MGAT5: variants seen among roughly 807,000 people sequenced by gnomAD.
MGAT5 encodes the protein alpha-1,6-mannosylglycoprotein 6-beta-N-acetylglucosaminyltransferase.
A neutral mutation model predicts 94.3 loss-of-function variants in MGAT5; 30 were observed. The observed-to-expected ratio is 0.32, with a 90% CI of 0.24 to 0.43. The LOEUF (loss-of-function observed/expected upper bound fraction) is 0.43, where lower values mean the gene tolerates loss of function less well. MGAT5 is among the 20% of genes least tolerant of loss of function. MGAT5 has a pLI of 1.00. For synonymous variants in MGAT5, 310 were observed against 322.9 expected (o/e 0.96, Z 0.43); for missense variants, 691 against 905.5 (o/e 0.76, Z 3.04).
chr2:134,254,742 C>T, intron 1 of MGAT5, 98 bp downstream of exon 1: 2 of 1,483,402 alleles, frequency 1.3e-6, no homozygotes, highest in Non-Finnish European at 1.8e-6. Flanking sequence ...ACTGAATGTC[C>T]TTTGCCACTG....
rs189190982 is a variant in MGAT5, at chr2:134,318,693, A to G, written c.527A>G (p.Tyr176Cys). The change falls in exon 4 of 16, where the codon TAT becomes TGT. Residue 176 changes from tyrosine to cysteine, a missense_variant. Physicochemically the swap from Tyr to Cys is radical, Grantham distance 194 (BLOSUM62 -2). Around this residue, in one of 4 missense-constraint regions of MGAT5, gnomAD observed 307 missense variants for 335.4 expected, o/e 0.92. Transcript: ENST00000281923. ...CGTTCAGATCCCTGCTACGCAGACT[A>G]TGGAGTGGATGGATCCACCTGCTCT... is the stretch of plus-strand genomic sequence containing the variant. ...MWRSDPCYAD[Y>C]GVDGSTCSFF... is the part of the protein sequence containing the mutation. The G allele has an allele frequency of 3.7e-6, 6 of 1,613,574 alleles. No individual in the cohort carries two copies. The highest frequency in any genetic ancestry group is 1.3e-5 in the African/African-American group (1 of 75,028).
At chr2:134,298,094 ATC>A (rs1228275892) in intron 2 of MGAT5, among the ~76,000 whole-genome samples, 2 of 152,080 alleles carry the variant, frequency 1.3e-5, no homozygotes, top group Non-Finnish European at 2.9e-5. Context: ...GAAAAATATT[ATC>A]TCTGTATTAT....
At chr2:134,139,466 C>A (rs1296415352) in intron 1 of MGAT5, among the ~76,000 whole-genome samples, 2 of 152,134 alleles carry the variant, frequency 1.3e-5, no homozygotes, top group Non-Finnish European at 2.9e-5. Context: ...TCCCAGCCCT[C>A]AAATACACTG....
chr2:134,276,121 T>C (rs1684345288), intron 2 of MGAT5, among the ~76,000 whole-genome samples: 4 of 151,884 alleles, frequency 2.6e-5, no homozygotes, highest in Admixed American at 2.6e-4. Context: ...AGACCTAAAG[T>C]TCCTTTCCCT....
chr2:134,427,417 TC>T (rs928827090), intron 13 of MGAT5, among the ~76,000 whole-genome samples: 1 of 152,144 alleles, frequency 6.6e-6, no homozygotes, highest in African/African-American at 2.4e-5. Context: ...CCACATTTCT[TC>T]CCCTTCTCCA....
chr2:134,338,341 G>A lies in MGAT5; in HGVS notation c.728G>A (p.Arg243Gln), dbSNP rs201224826. 110 of 1,612,946 alleles carry A rather than the reference G, an allele frequency of 6.8e-5. No individual in the cohort carries two copies. The highest frequency in any genetic ancestry group is 3.2e-4 in the South Asian group (29 of 91,010). Residue 243 changes from arginine (R) to glutamine (Q), a missense_variant, in exon 6 of 16, where the codon CGG becomes CAG. Coordinates refer to ENST00000281923, the MANE Select transcript of MGAT5 (RefSeq NM_002410.5). ...EEFRWMRLRIRRMADAWIQAI... is the reference protein window; with the variant it reads ...EEFRWMRLRIQRMADAWIQAI... ...TTCCGGTGGATGAGACTACGGATCC[G>A]GCGAATGGCTGACGCATGGATCCAA...
intron 15 of MGAT5, among the ~76,000 whole-genome samples, chr2:134,445,501 A>G (rs1031007636): frequency 3.9e-5 from 6 of 152,158 alleles, no homozygotes; most frequent in African/African-American, 1.4e-4. Context: ...CCTCCTGTCC[A>G]GCGCATCCTG....
chr2:134,131,154 C>G (rs549891517), intron 1 of MGAT5, among the ~76,000 whole-genome samples: 1 of 152,192 alleles, frequency 6.6e-6, no homozygotes, highest in Non-Finnish European at 1.5e-5. Flanking sequence ...CTGAGGCCAG[C>G]GAGCTCACAA....
intron 10 of MGAT5, among the ~76,000 whole-genome samples, chr2:134,375,908 T>A (rs1226612907): frequency 1.3e-5 from 2 of 151,904 alleles, no homozygotes; most frequent in Non-Finnish European, 1.5e-5. Context: ...CTGCTGGGGG[T>A]GTTTCATGAC....
intron 10 of MGAT5, among the ~76,000 whole-genome samples, chr2:134,391,757 A>G (rs1283690084): frequency 1.3e-5 from 2 of 152,232 alleles, no homozygotes; most frequent in African/African-American, 4.8e-5. Flanking sequence ...TGGACAAGAA[A>G]GACTTGGCTA....
chr2:134,140,844 A>C (rs909016856), intron 1 of MGAT5, among the ~76,000 whole-genome samples: 3 of 152,202 alleles, frequency 2.0e-5, no homozygotes, highest in Non-Finnish European at 4.4e-5. Context: ...AGGTTAAGTA[A>C]TTTGCCCCAG....
At chr2:134,439,605 G>A (rs908083664) in intron 14 of MGAT5, among the ~76,000 whole-genome samples, 1 of 152,206 alleles carries the variant, frequency 6.6e-6, no homozygotes, top group East Asian at 1.9e-4. Context: ...GCTGAGGCAG[G>A]AGAATTGCGT....
At chr2:134,325,388 A>G (rs1004600599) in intron 4 of MGAT5, among the ~76,000 whole-genome samples, 4 of 152,106 alleles carry the variant, frequency 2.6e-5, no homozygotes, top group Admixed American at 6.6e-5. Context: ...ACTTTTTAAT[A>G]TGCAAAATTT....
At chr2:134,292,487 G>T (rs1395637284) in intron 2 of MGAT5, among the ~76,000 whole-genome samples, 1 of 152,106 alleles carries the variant, frequency 6.6e-6, no homozygotes, top group East Asian at 1.9e-4. Flanking sequence ...TCTGTTGCCG[G>T]GTCTGCTGCT....
chr2:134,213,054 G>A lies in MGAT5; in HGVS notation c.-142-41208G>A, dbSNP rs556656578. On this transcript the variant is annotated intron_variant, in intron 1 of 16. Coordinates refer to the MGAT5 transcript ENST00000409645. ...GTTTGGAAGAGTCAGGTCTGCATAG[G>A]CCTTTTGGATATTTGCATTTTATTT... Among the ~76,000 whole-genome samples, 180 of 152,242 alleles carry A rather than the reference G, an allele frequency of 1.2e-3. 1 individual carries two copies. Among genetic ancestry groups the A allele is most frequent in the African/African-American group, 3.9e-3 (161 of 41,538 alleles).
chr2:134,120,220 C>G (rs1182462182), exon 1 of MGAT5: 1 of 346,930 alleles, frequency 2.9e-6, no homozygotes, highest in African/African-American at 2.2e-5. Context: ...GGCGTCGCGA[C>G]CTCGCGCCTC....
At chr2:134,152,563 T>A (rs1573753353) in intron 1 of MGAT5, among the ~76,000 whole-genome samples, 1 of 152,382 alleles carries the variant, frequency 6.6e-6, no homozygotes, top group East Asian at 1.9e-4. Flanking sequence ...GCACTGCCAA[T>A]CTTCCCCAAA....
intron 1 of MGAT5, among the ~76,000 whole-genome samples, chr2:134,260,872 T>C (rs531393043): frequency 2.0e-5 from 3 of 152,154 alleles, no homozygotes; most frequent in East Asian, 3.9e-4. Context: ...TTTTAGTTAC[T>C]GTATGGTGAC....
At chr2:134,144,110 T>C (rs1231355830) in intron 1 of MGAT5, among the ~76,000 whole-genome samples, 1 of 152,138 alleles carries the variant, frequency 6.6e-6, no homozygotes, top group African/African-American at 2.4e-5. Context: ...CTCACTGGGC[T>C]CCAAGCAACC....
Sources: gnomAD v4.1 joint callset for allele counts (sites outside exome capture counted in the v4.1 genomes callset) on GRCh38, gnomAD v4.1.1 for gene constraint, gnomAD v4.1.1 regional missense constraint, MANE v1.5 for transcripts, NCBI Gene and HGNC (gene_info 2026-07-23, HGNC 2026-07-21) for gene names.